DNAH7: variants seen among roughly 807,000 people sequenced by gnomAD.
The protein encoded by DNAH7 is axonemal beta dynein heavy chain 7.
Under a neutral mutation model 444.6 loss-of-function variants are expected in DNAH7, and 397 were observed. The ratio of observed to expected loss-of-function variants is 0.89; its 90% CI spans 0.82 to 0.97. DNAH7 has a LOEUF of 0.97. DNAH7 is among the 50% of genes least tolerant of loss of function. The pLI is 0.00. For missense variants in DNAH7, 4,902 were observed against 4,800.8 expected (o/e 1.02, Z -0.62); for synonymous variants, 1,636 against 1,624.4 (o/e 1.01, Z -0.17).
chr2:195,869,297 C>T (rs1362925315), intron 40 of DNAH7, among the ~76,000 whole-genome samples: 1 of 151,622 alleles, frequency 6.6e-6, no homozygotes, highest in Admixed American at 6.6e-5. Flanking sequence ...TGGAGTTTCT[C>T]GGGGGATCCC....
chr2:196,012,650 T>C (rs905816023), intron 10 of DNAH7, 137 bp downstream of exon 10: 1 of 875,518 alleles, frequency 1.1e-6, no homozygotes, highest in Non-Finnish European at 1.7e-6. Context: ...ACTAAGATAA[T>C]TAAAGATATT....
chr2:195,753,940 G>A (rs560520844), intron 63 of DNAH7, among the ~76,000 whole-genome samples: 70 of 152,302 alleles, frequency 4.6e-4, no homozygotes, highest in African/African-American at 1.5e-3. Context: ...TTTCAATGCT[G>A]TACATGTCAA....
chr2:196,039,864 T>G (rs1029520373), intron 5 of DNAH7, among the ~76,000 whole-genome samples: 1 of 150,316 alleles, frequency 6.7e-6, no homozygotes, highest in African/African-American at 2.4e-5. Context: ...GACAAACCAC[T>G]AACTAGACTA....
intron 61 of DNAH7, among the ~76,000 whole-genome samples, chr2:195,763,863 T>C (rs1694455534): frequency 6.6e-6 from 1 of 151,850 alleles, no homozygotes; most frequent in South Asian, 2.1e-4. Context: ...AGGGAATAAT[T>C]ACAAACTTAT....
At chr2:196,013,582 A>G (rs1694842367) in intron 9 of DNAH7, among the ~76,000 whole-genome samples, 1 of 152,222 alleles carries the variant, frequency 6.6e-6, no homozygotes, top group Non-Finnish European at 1.5e-5. Context: ...AATGTAAAAT[A>G]CTGGTTAGTA....
chr2:195,875,862 G>A lies in DNAH7; in HGVS notation c.6118-19C>T. On this transcript the variant is annotated intron_variant, in intron 37 of 64. Transcript: ENST00000312428. ...AGACAACCTGAGAATGAGAAGAGAA[G>A]AGGTACAGAAAATATTAACATCTCA... 1 of 1,584,912 alleles carries A rather than the reference G, an allele frequency of 6.3e-7. No individual in the cohort carries two copies. The highest frequency in any genetic ancestry group is 8.6e-7 in the Non-Finnish European group (1 of 1,168,446).
chr2:195,940,046 A>G (rs2125430671), intron 19 of DNAH7, among the ~76,000 whole-genome samples: 2 of 152,326 alleles, frequency 1.3e-5, no homozygotes, highest in East Asian at 3.9e-4. Context: ...TGGAACCAGA[A>G]AAGAGCCCTT....
chr2:195,929,198 C>G (rs1245840581), intron 21 of DNAH7, among the ~76,000 whole-genome samples: 1 of 152,096 alleles, frequency 6.6e-6, no homozygotes, highest in Non-Finnish European at 1.5e-5. Flanking sequence ...AGGAGAACTA[C>G]AAAACACTAC....
chr2:195,985,124 GT>G (rs1318050139), intron 14 of DNAH7, among the ~76,000 whole-genome samples: 1 of 152,158 alleles, frequency 6.6e-6, no homozygotes, highest in Non-Finnish European at 1.5e-5. Context: ...ATAGGCCTGT[GT>G]GCTCAGGAAC....
At chr2:195,868,653 T>C (rs1480272894) in intron 40 of DNAH7, among the ~76,000 whole-genome samples, 1 of 150,754 alleles carries the variant, frequency 6.6e-6, no homozygotes, top group East Asian at 1.9e-4. Flanking sequence ...CTATATATTG[T>C]CTTTTCATTT....
intron 41 of DNAH7, 26 bp from the exon 42 acceptor site, chr2:195,861,972 A>T: frequency 6.4e-7 from 1 of 1,565,540 alleles, no homozygotes; most frequent in Non-Finnish European, 8.8e-7. Context: ...ATGCTTTAGC[A>T]TTTTATTAAG....
intron 8 of DNAH7, 38 bp from the exon 9 acceptor site, chr2:196,019,333 A>T: frequency 7.0e-7 from 1 of 1,432,702 alleles, no homozygotes; most frequent in East Asian, 2.4e-5. Context: ...AGTCTCAAAA[A>T]AAGTATTTTT....
intron 19 of DNAH7, among the ~76,000 whole-genome samples, chr2:195,954,018 GTCT>G (rs1690451886): frequency 6.6e-6 from 1 of 152,066 alleles, no homozygotes; most frequent in Non-Finnish European, 1.5e-5. Context: ...AGACAATCGA[GTCT>G]TTTTTTTAAA....
At chr2:195,779,582 A>G (rs965574024) in intron 58 of DNAH7, among the ~76,000 whole-genome samples, 3 of 151,644 alleles carry the variant, frequency 2.0e-5, no homozygotes, top group African/African-American at 7.3e-5. Context: ...CCTCCTATCT[A>G]CTTTTCCTAT....
In DNAH7 at chr2:196,058,108, C is replaced by T. The variant is rs753894530; in HGVS notation, c.24G>A (p.Ser8=). The T allele has an allele frequency of 1.3e-6, 2 of 1,581,116 alleles. No homozygotes were observed. Among genetic ancestry groups the T allele is most frequent in the South Asian group, 1.2e-5 (1 of 85,220 alleles). MSSEQDK[S]ASKEKSKKPV... ...GTTTCTTGGATTTTTCTTTGCTGGCCGATTTATCCTGTATGAAAAACATGA... is the reference window on the plus strand; with the variant it reads ...GTTTCTTGGATTTTTCTTTGCTGGCTGATTTATCCTGTATGAAAAACATGA... The change falls in exon 2 of 65, where the codon TCG becomes TCA. Residue 8 remains serine, a synonymous_variant. Coordinates refer to ENST00000312428, the MANE Select transcript of DNAH7 (RefSeq NM_018897.3).
intron 54 of DNAH7, among the ~76,000 whole-genome samples, chr2:195,804,554 T>C (rs985907794): frequency 2.0e-5 from 3 of 152,236 alleles, no homozygotes; most frequent in Non-Finnish European, 4.4e-5. Flanking sequence ...ACTTACTTCT[T>C]GTTCCTGCAA....
At position 195,875,925 on chromosome 2, in the gene DNAH7, T is replaced by C. The variant is rs557596792; in HGVS notation, c.6118-82A>G. On this transcript the variant is annotated intron_variant, in intron 37 of 64. Coordinates refer to ENST00000312428, the MANE Select transcript of DNAH7 (RefSeq NM_018897.3). ...ATTGTGTAAACAATATTGAGGCAAATACTTAGCTATCTATTTGCAGAGTAC... is the reference window on the plus strand; with the variant it reads ...ATTGTGTAAACAATATTGAGGCAAACACTTAGCTATCTATTTGCAGAGTAC... The C allele has an allele frequency of 1.6e-5, 21 of 1,309,980 alleles. No homozygotes were observed. The South Asian group carries it at 1.9e-4, about 12-fold the overall frequency. The allele number at this position is 1,309,980 out of a possible 1,614,324, so 81.1% of individuals were successfully genotyped here.
At chr2:195,954,872 GTTGT>G (rs1167412824) in intron 19 of DNAH7, among the ~76,000 whole-genome samples, 3 of 151,980 alleles carry the variant, frequency 2.0e-5, no homozygotes, top group East Asian at 3.9e-4. Flanking sequence ...TGTTGATGGG[GTTGT>G]TTTTTTCTTG....
In DNAH7 at chr2:195,881,898, AG is replaced by A; in HGVS notation, c.5857del (p.Leu1953TrpfsTer9). On this transcript the variant is annotated frameshift_variant, in exon 36 of 65. Transcript: ENST00000312428. LOFTEE classifies it high-confidence loss of function. ...TAATGCAGAGTATCGAATTGTGTCCAGAGTTGGCACAATGATTTCATTAAAC... is the reference window on the plus strand; with the variant it reads ...TAATGCAGAGTATCGAATTGTGTCCAAGTTGGCACAATGATTTCATTAAAC... ...VMFNEIIVPTLDTIRYSALME... is the reference protein window; with the variant it reads ...VMFNEIIVPTXDTIRYSALME... The A allele has an allele frequency of 6.2e-7, 1 of 1,614,064 alleles. No individual in the cohort carries two copies.
Sources: allele counts gnomAD v4.1 joint callset (sites outside exome capture counted in the v4.1 genomes callset), GRCh38; gene constraint gnomAD v4.1.1; transcripts MANE v1.5; gene names NCBI Gene and HGNC (gene_info 2026-07-23, HGNC 2026-07-21).